The following NEURL1 variants were observed in gnomAD, a reference collection of about 807,000 sequenced individuals.
NEURL1 encodes neuralized E3 ubiquitin protein ligase 1, also known as E3 ubiquitin-protein ligase NEURL1.
NEURL1 carries 26 observed loss-of-function variants against 41.2 expected under a neutral mutation model. The observed-to-expected ratio is 0.63, with a 90% CI of 0.46 to 0.87. The LOEUF (loss-of-function observed/expected upper bound fraction) is 0.87, where lower values mean the gene tolerates loss of function less well. Ranked by LOEUF, NEURL1 falls within the 40% of genes least tolerant of loss-of-function variation. The pLI, the probability that NEURL1 is intolerant of heterozygous loss-of-function variation, is 0.00. For synonymous variants in NEURL1, 400 were observed against 402.3 expected, an observed-to-expected ratio of 0.99 and a Z score of 0.07; for missense variants, 761 against 871.1, an observed-to-expected ratio of 0.87 and a Z score of 1.59.
At chr10:103,527,052 T>C (rs1462860142) in intron 1 of NEURL1, among the ~76,000 whole-genome samples, 4 of 152,104 alleles carry the variant, frequency 2.6e-5, no homozygotes, top group Non-Finnish European at 4.4e-5. Context: ...TTTCTTATCA[T>C]ATGCTAAATT....
intron 1 of NEURL1, among the ~76,000 whole-genome samples, chr10:103,542,455 G>T (rs1412224230): frequency 2.0e-5 from 3 of 152,062 alleles, no homozygotes; most frequent in Non-Finnish European, 2.9e-5. Context: ...TAGGGACAGG[G>T]TCTTGCTATG....
At chr10:103,561,131 C>T (rs1246925125) in intron 1 of NEURL1, among the ~76,000 whole-genome samples, 1 of 152,222 alleles carries the variant, frequency 6.6e-6, no homozygotes, top group Non-Finnish European at 1.5e-5. Flanking sequence ...CATGGGGTGG[C>T]CCCACACCGT....
chr10:103,568,939 C>A (rs1380085042), intron 1 of NEURL1, among the ~76,000 whole-genome samples: 1 of 152,150 alleles, frequency 6.6e-6, no homozygotes, highest in Non-Finnish European at 1.5e-5. Flanking sequence ...CTCAGCCTCC[C>A]GAGTAGCTGG....
chr10:103,583,430 A>T (rs1157313788), intron 3 of NEURL1, among the ~76,000 whole-genome samples: 1 of 152,160 alleles, frequency 6.6e-6, no homozygotes, highest in Non-Finnish European at 1.5e-5. Context: ...TAAAAAAAGT[A>T]ACCAGCTGGG....
At chr10:103,559,916 CAT>C (rs1439238320) in intron 1 of NEURL1, among the ~76,000 whole-genome samples, 2 of 151,756 alleles carry the variant, frequency 1.3e-5, no homozygotes, top group African/African-American at 4.8e-5. Flanking sequence ...ACAACACACA[CAT>C]GCACACACAT....
At chr10:103,571,932 G>A in intron 3 of NEURL1, 110 bp downstream of exon 3, 1 of 1,081,706 alleles carries the variant, frequency 9.2e-7, no homozygotes, top group Non-Finnish European at 1.3e-6. Context: ...CTCTCTGACT[G>A]GTGCCAAGGG....
intron 1 of NEURL1, among the ~76,000 whole-genome samples, chr10:103,525,150 T>C (rs2034434403): frequency 6.6e-6 from 1 of 152,090 alleles, no homozygotes; most frequent in African/African-American, 2.4e-5. Flanking sequence ...ATCTTTCACT[T>C]CTTTGGTTGA....
chr10:103,584,514 C>A, intron 3 of NEURL1, 22 bp from the exon 4 acceptor site: 1 of 1,330,750 alleles, frequency 7.5e-7, no homozygotes, highest in Non-Finnish European at 9.6e-7. Flanking sequence ...CTGCGTGACA[C>A]TGCCCCGTGT....
chr10:103,542,806 T>G (rs969293798), intron 1 of NEURL1, among the ~76,000 whole-genome samples: 2 of 152,182 alleles, frequency 1.3e-5, no homozygotes, highest in African/African-American at 2.4e-5. Context: ...AGTTCGTGAG[T>G]GCTCGTAGGC....
intron 1 of NEURL1, among the ~76,000 whole-genome samples, chr10:103,523,384 A>G (rs2034395766): frequency 1.3e-5 from 2 of 152,102 alleles, no homozygotes; most frequent in South Asian, 4.2e-4. Flanking sequence ...TGAGTCCAAG[A>G]GTTTAAGGCT....
In NEURL1 at chr10:103,522,281, G is replaced by A. The variant is rs748969166; in HGVS notation, c.85+27809G>A. Among the ~76,000 whole-genome samples the A allele has an allele frequency of 5.3e-5, 8 of 150,674 alleles. No individual in the cohort carries two copies. In the South Asian group the frequency reaches 8.4e-4, roughly 16 times the overall value. On this transcript the variant is annotated intron_variant, in intron 1 of 5. Transcript: ENST00000369780. ...GGCCTGACAGTCAGCATTTTGATGCGTTTTTTTTTCTGGGTCTTCATTTTT... is the reference window on the plus strand; with the variant it reads ...GGCCTGACAGTCAGCATTTTGATGCATTTTTTTTTCTGGGTCTTCATTTTT...
At chr10:103,576,847 G>A (rs2035676775) in intron 3 of NEURL1, among the ~76,000 whole-genome samples, 1 of 152,122 alleles carries the variant, frequency 6.6e-6, no homozygotes. Flanking sequence ...CTCTCAGGAT[G>A]GGCTTCCAAG....
At position 103,566,825 on chromosome 10, in the gene NEURL1, G is replaced by A. The variant is rs1350940447; in HGVS notation, c.86-4047G>A. On this transcript the variant is annotated intron_variant, in intron 1 of 5. Transcript: ENST00000369780. The surrounding 1 kb of genome is among the most constrained non-coding windows in gnomAD (Gnocchi z 4.2). ...TCGTGTCCCAACAGGAATGTAGGAG[G>A]GCTGAGGACATGGTTTACATTTCTG... Among the ~76,000 whole-genome samples the A allele has an allele frequency of 6.6e-6, 1 of 152,006 alleles. No individual in the cohort carries two copies. Among genetic ancestry groups the A allele is most frequent in the Non-Finnish European group, 1.5e-5 (1 of 68,010 alleles).
intron 1 of NEURL1, among the ~76,000 whole-genome samples, chr10:103,516,227 C>CAAAAA (rs59180957): frequency 1.2e-4 from 7 of 59,320 alleles, no homozygotes; most frequent in South Asian, 6.1e-4. Flanking sequence ...GACCCCATCT[C>CAAAAA]AAAAAAAAAA....
intron 1 of NEURL1, chr10:103,494,771 A>G: frequency 2.7e-6 from 1 of 376,584 alleles, no homozygotes; most frequent in Non-Finnish European, 4.7e-6. Context: ...CCAGGTCGAT[A>G]GGGGAGTGGG....
intron 1 of NEURL1, among the ~76,000 whole-genome samples, chr10:103,505,286 C>T (rs902998767): frequency 6.1e-5 from 9 of 147,966 alleles, no homozygotes; most frequent in African/African-American, 1.5e-4. Context: ...TGCACTGGTG[C>T]GATCTCAGCT....
At chr10:103,565,289 C>T (rs1375539491) in intron 1 of NEURL1, among the ~76,000 whole-genome samples, 2 of 152,186 alleles carry the variant, frequency 1.3e-5, no homozygotes, top group Non-Finnish European at 2.9e-5. Flanking sequence ...CCAGAGGTGG[C>T]TCAGTGGGTG....
chr10:103,552,445 A>G (rs1047460273), intron 1 of NEURL1, among the ~76,000 whole-genome samples: 1 of 152,028 alleles, frequency 6.6e-6, no homozygotes, highest in Non-Finnish European at 1.5e-5. Context: ...GCCTTTGCCT[A>G]TGTTGTACTC....
Position 103,590,243 on chromosome 10 carries a change from C to T in NEURL1, c.1596C>T (p.Val532=), listed in dbSNP as rs765431460. The change falls in exon 6 of 6, where the codon GTC becomes GTT. Residue 532 remains valine, a synonymous_variant. Coordinates refer to ENST00000369780, the MANE Select transcript of NEURL1 (RefSeq NM_004210.5). The part of the protein sequence containing the change: ...TICYEHAVDT[V]IYTCGHMCLC... ...GCTATGAACACGCGGTGGACACGGT[C>T]ATCTACACATGTGGCCACATGTGCC... 1.2e-6 allele frequency: 2 copies of T among 1,613,440 alleles called. No individual in the cohort carries two copies. Among genetic ancestry groups the T allele is most frequent in the South Asian group, 2.2e-5 (2 of 91,012 alleles).
Sources: allele counts gnomAD v4.1 joint callset (sites outside exome capture counted in the v4.1 genomes callset), GRCh38; gene constraint gnomAD v4.1.1; non-coding constraint Gnocchi (gnomAD v3.1); transcripts MANE v1.5; gene names NCBI Gene and HGNC (gene_info 2026-07-23, HGNC 2026-07-21).